The following MORN2 variants were observed in gnomAD, a reference collection of about 807,000 sequenced individuals.
MORN2 encodes the protein MORN repeat containing 2.
MORN2 carries 15 observed loss-of-function variants against 13.4 expected under a neutral mutation model. The ratio of observed to expected loss-of-function variants is 1.12; its 90% CI spans 0.75 to 1.72. The LOEUF is 1.72. Among genes scored for constraint, MORN2 ranks in the 40% most tolerant of loss-of-function variants. The probability of loss-of-function intolerance (pLI) is 0.00; values close to 1 mark genes in which losing one functional copy is unlikely to be tolerated. For synonymous variants in MORN2, 46 were observed against 43.6 expected, an observed-to-expected ratio of 1.06 and a Z score of -0.22; for missense variants, 168 against 134.6, an observed-to-expected ratio of 1.25 and a Z score of -1.23.
intron 1 of MORN2, 134 bp downstream of exon 1, chr2:38,876,244 G>T (rs972518207): frequency 1.0e-5 from 4 of 396,526 alleles, no homozygotes; most frequent in Non-Finnish European, 1.3e-5. Flanking sequence ...CTAGCCGAGG[G>T]GCACGGGGGA....
At chr2:38,879,323 T>A (rs1665724088) in intron 1 of MORN2, among the ~76,000 whole-genome samples, 1 of 152,112 alleles carries the variant, frequency 6.6e-6, no homozygotes, top group Admixed American at 6.5e-5. Flanking sequence ...GTTTTGAAAA[T>A]GTACATCAGT....
chr2:38,880,546 G>C, intron 2 of MORN2, 54 bp from the exon 3 acceptor site: 1 of 1,235,232 alleles, frequency 8.1e-7, no homozygotes, highest in African/African-American at 1.5e-5. Context: ...GTTGCGATTA[G>C]GCCCAGACAT....
At chr2:38,879,232 A>G (rs1005071672) in intron 1 of MORN2, among the ~76,000 whole-genome samples, 1 of 152,146 alleles carries the variant, frequency 6.6e-6, no homozygotes, top group South Asian at 2.1e-4. Flanking sequence ...AGTAAATCAT[A>G]TGGGCTACCA....
rs1665778108 is a variant in MORN2, at chr2:38,881,555, T to C, written c.330T>C (p.Tyr110=). 1 of 1,519,300 alleles carries C rather than the reference T, an allele frequency of 6.6e-7. No homozygotes were observed. Among genetic ancestry groups the C allele is most frequent in the African/African-American group, 1.4e-5 (1 of 70,812 alleles). 94.1% of individuals were successfully genotyped at this position (1,519,300 alleles called of 1,614,324 possible). The change falls in exon 4 of 5, where the codon TAT becomes TAC. Residue 110 remains tyrosine, a synonymous_variant. Coordinates refer to ENST00000644631, the MANE Select transcript of MORN2 (RefSeq NM_001145450.3). ...ACACATTCCCAAATGGGGCAAAGTATACTGGAAATTTCAATGAAAATAGGT... is the reference window on the plus strand; with the variant it reads ...ACACATTCCCAAATGGGGCAAAGTACACTGGAAATTTCAATGAAAATAGGT...
chr2:38,878,726 C>T (rs1204652342), intron 1 of MORN2, among the ~76,000 whole-genome samples: 1 of 151,948 alleles, frequency 6.6e-6, no homozygotes, highest in Non-Finnish European at 1.5e-5. Context: ...TTTGTAATCA[C>T]CTGTTCCTAT....
intron 1 of MORN2, chr2:38,876,325 A>G (rs1665619257): frequency 2.6e-6 from 1 of 388,934 alleles, no homozygotes; most frequent in Middle Eastern, 6.4e-4. Context: ...GCGCGTGCCA[A>G]CCTCCCTGGG....
Position 38,876,062 on chromosome 2 carries a change from CA to C in MORN2, c.11del (p.Gln4ArgfsTer50). 2.5e-6 allele frequency: 1 copy of C among 398,770 alleles called. No homozygotes were observed. Among genetic ancestry groups the C allele is most frequent in the Non-Finnish European group, 4.4e-6 (1 of 226,166 alleles). 24.7% of individuals were successfully genotyped at this position (398,770 alleles called of 1,614,324 possible). A position where few individuals can be genotyped will look rare whatever the true frequency, so the allele number is the denominator to read the frequency against. On this transcript the variant is annotated frameshift_variant, in exon 1 of 5. Transcript: ENST00000644631. LOFTEE classifies it high-confidence loss of function. The stretch of plus-strand genomic sequence containing the variant: ...TCTCCCGGCCGCAGAGCTGGCCGCC[CA>C]GGGGGAGTCGCAGAGTTTGGAAGAT...
rs947872352 is a variant in MORN2 at position 38,882,616 on chromosome 2, A to G, written c.*101A>G. The G allele has an allele frequency of 2.0e-5, 15 of 757,800 alleles. No individual in the cohort carries two copies. Among genetic ancestry groups the G allele is most frequent in the African/African-American group, 7.0e-5 (4 of 57,084 alleles). 46.9% of individuals were successfully genotyped at this position (757,800 alleles called of 1,614,324 possible). ...TGAAATGACTTCATACACTACCCCT[A>G]TAAGTTTGCCAATAAAACCATCACC... On this transcript the variant is annotated 3_prime_UTR_variant, in exon 5 of 5. Transcript: ENST00000644631.
At position 38,882,697 on chromosome 2, in the gene MORN2, T is replaced by G. The variant is rs1665805119; in HGVS notation, c.*182T>G. 2.3e-6 allele frequency: 1 copy of G among 433,176 alleles called. No individual in the cohort carries two copies. Among genetic ancestry groups the G allele is most frequent in the Admixed American group, 3.7e-5 (1 of 27,012 alleles). The allele number at this position is 433,176 out of a possible 1,614,324, so 26.8% of individuals were successfully genotyped here. A position where few individuals can be genotyped will look rare whatever the true frequency, so the allele number is the denominator to read the frequency against. On this transcript the variant is annotated 3_prime_UTR_variant, in exon 5 of 5. Transcript: ENST00000644631. ...TGTCTTACAATTAGTTTAAAATAAA[T>G]GACATGATTCAATTCAGTCTGCTTA...
chr2:38,878,100 G>C (rs770556361), intron 1 of MORN2, among the ~76,000 whole-genome samples: 4 of 150,260 alleles, frequency 2.7e-5, no homozygotes, highest in Non-Finnish European at 6.0e-5. Context: ...CATCCTACCA[G>C]CGTGCCTGCC....
chr2:38,876,381 C>T (rs539060135), intron 1 of MORN2, among the ~76,000 whole-genome samples: 81 of 152,352 alleles, frequency 5.3e-4, no homozygotes, highest in Admixed American at 4.7e-3. Flanking sequence ...GAGGTTCCCT[C>T]TAGCTCTGAC....
At chr2:38,878,118 A>AT (rs1665698005) in intron 1 of MORN2, among the ~76,000 whole-genome samples, 1 of 139,710 alleles carries the variant, frequency 7.2e-6, no homozygotes, top group Non-Finnish European at 1.7e-5. Context: ...GCCAGTTTCC[A>AT]TGATTTTAGA....
At chr2:38,878,503 C>G (rs1357213617) in intron 1 of MORN2, among the ~76,000 whole-genome samples, 1 of 151,888 alleles carries the variant, frequency 6.6e-6, no homozygotes, top group South Asian at 2.1e-4. Flanking sequence ...TTTTAAAATT[C>G]TTTGTGCTAC....
chr2:38,880,250 CT>C, intron 2 of MORN2, 21 bp downstream of exon 2: 2 of 399,318 alleles, frequency 5.0e-6, no homozygotes, highest in African/African-American at 4.1e-5. Flanking sequence ...GCTTCAATTA[CT>C]TTTTCTGTAT....
At chr2:38,881,600 A>G (rs771611403) in intron 4 of MORN2, 22 bp downstream of exon 4, 25 of 1,453,340 alleles carry the variant, frequency 1.7e-5, no homozygotes, top group Non-Finnish European at 2.3e-5. Flanking sequence ...ATAAAAAAAA[A>G]TCACTGCATT....
At chr2:38,878,416 T>G (rs1194169959) in intron 1 of MORN2, among the ~76,000 whole-genome samples, 1 of 152,216 alleles carries the variant, frequency 6.6e-6, no homozygotes, top group East Asian at 1.9e-4. Context: ...TTTGGCTATT[T>G]ATTCAAATAT....
intron 3 of MORN2, 40 bp from the exon 4 acceptor site, chr2:38,881,402 G>A (rs1378469388): frequency 1.3e-6 from 2 of 1,502,578 alleles, no homozygotes; most frequent in East Asian, 5.1e-5. Flanking sequence ...TTGGGAAACT[G>A]AAGATTAGTT....
At chr2:38,877,800 T>A (rs998163739) in intron 1 of MORN2, among the ~76,000 whole-genome samples, 1 of 151,818 alleles carries the variant, frequency 6.6e-6, no homozygotes, top group African/African-American at 2.4e-5. Flanking sequence ...TAATTTTTTT[T>A]ATTTTATTAT....
chr2:38,876,133 A>G (rs1290018876), intron 1 of MORN2, 23 bp downstream of exon 1: 1 of 398,330 alleles, frequency 2.5e-6, no homozygotes, highest in African/African-American at 2.1e-5. Context: ...CCTCCTAACG[A>G]CCCGGGCAGA....
Sources: allele counts gnomAD v4.1 joint callset (sites outside exome capture counted in the v4.1 genomes callset), GRCh38; gene constraint gnomAD v4.1.1; transcripts MANE v1.5; gene names NCBI Gene and HGNC (gene_info 2026-07-23, HGNC 2026-07-21).